PTPRK: variants seen among roughly 807,000 people sequenced by gnomAD.
PTPRK encodes the protein receptor-type tyrosine-protein phosphatase kappa.
Under a neutral mutation model 178.0 loss-of-function variants are expected in PTPRK, and 75 were observed. The ratio of observed to expected loss-of-function variants is 0.42; its 90% CI spans 0.35 to 0.51. The LOEUF is 0.51. PTPRK is among the 20% of genes least tolerant of loss of function. The pLI is 0.02. For synonymous variants in PTPRK, 637 were observed against 620.6 expected, an observed-to-expected ratio of 1.03 and a Z score of -0.39; for missense variants, 1,441 against 1,797.8, an observed-to-expected ratio of 0.80 and a Z score of 3.59.
intron 13 of PTPRK, among the ~76,000 whole-genome samples, chr6:128,044,053 C>T (rs1393287624): frequency 6.6e-6 from 1 of 151,908 alleles, no homozygotes; most frequent in Non-Finnish European, 1.5e-5. Context: ...ATTCTATTTT[C>T]TAATAACAAC....
intron 13 of PTPRK, chr6:128,027,940 TC>T (rs1317131134): frequency 1.3e-5 from 2 of 152,158 alleles, no homozygotes; most frequent in Non-Finnish European, 2.9e-5. Context: ...ATCACCTCTT[TC>T]CTAGTCTATA....
At chr6:128,255,179 C>A (rs544210697) in intron 3 of PTPRK, among the ~76,000 whole-genome samples, 1 of 151,922 alleles carries the variant, frequency 6.6e-6, no homozygotes, top group Non-Finnish European at 1.5e-5. Context: ...TTAGTAGAGA[C>A]GGGGTTTCAC....
chr6:128,086,920 A>G (rs1363415131), intron 8 of PTPRK, among the ~76,000 whole-genome samples: 1 of 152,104 alleles, frequency 6.6e-6, no homozygotes, highest in African/African-American at 2.4e-5. Flanking sequence ...TATTCAAAAC[A>G]GAGATTAAAA....
intron 1 of PTPRK, among the ~76,000 whole-genome samples, chr6:128,507,158 C>G (rs1002436435): frequency 2.0e-5 from 3 of 152,094 alleles, no homozygotes; most frequent in African/African-American, 7.2e-5. Context: ...ACACTATGCT[C>G]TATACTATGT....
intron 2 of PTPRK, among the ~76,000 whole-genome samples, chr6:128,371,756 T>A (rs1352055016): frequency 6.6e-6 from 1 of 152,026 alleles, no homozygotes; most frequent in Middle Eastern, 3.2e-3. Flanking sequence ...ACACCTGTAG[T>A]TCCAGCTACT....
Position 128,083,801 on chromosome 6 carries a change from AT to A in PTPRK, c.1488del (p.Lys496AsnfsTer14). On this transcript the variant is annotated frameshift_variant, in exon 9 of 30. Coordinates refer to ENST00000368226, the MANE Select transcript of PTPRK (RefSeq NM_002844.4). LOFTEE classifies it high-confidence loss of function. ...DEDVPGPVPV[K>X]SLQGTSFENK... The stretch of plus-strand genomic sequence containing the variant: ...TTTTCAAAGGATGTTCCTTGAAGAG[AT>A]TTTACTGGTACGGGACCAGGCACTA... 1 of 1,602,512 alleles carries A rather than the reference AT, an allele frequency of 6.2e-7. No homozygotes were observed. Among genetic ancestry groups the A allele is most frequent in the Non-Finnish European group, 8.5e-7 (1 of 1,173,648 alleles).
chr6:128,356,945 G>C (rs186935686), intron 2 of PTPRK, among the ~76,000 whole-genome samples: 4 of 152,256 alleles, frequency 2.6e-5, no homozygotes, highest in African/African-American at 9.6e-5. Context: ...TATCAATGCT[G>C]TTTCAGAGAA....
At chr6:128,007,472 A>G (rs1252857416) in intron 14 of PTPRK, among the ~76,000 whole-genome samples, 1 of 150,972 alleles carries the variant, frequency 6.6e-6, no homozygotes, top group Non-Finnish European at 1.5e-5. Context: ...TAACTTAACC[A>G]TTTAATATAT....
At chr6:128,433,828 T>TTTTTG (rs1346281236) in intron 1 of PTPRK, among the ~76,000 whole-genome samples, 3 of 145,160 alleles carry the variant, frequency 2.1e-5, no homozygotes, top group African/African-American at 7.6e-5. Flanking sequence ...CTAACACTGT[T>TTTTTG]TTTTTTTTTT....
chr6:128,002,236 T>C (rs1264291269), intron 15 of PTPRK, among the ~76,000 whole-genome samples: 1 of 151,820 alleles, frequency 6.6e-6, no homozygotes, highest in Non-Finnish European at 1.5e-5. Flanking sequence ...TGAACATTGA[T>C]TGTATGTATA....
chr6:128,510,539 G>A (rs959415124), intron 1 of PTPRK, among the ~76,000 whole-genome samples: 15 of 152,044 alleles, frequency 9.9e-5, no homozygotes, highest in Admixed American at 9.8e-4. Context: ...GAGTTAGTAG[G>A]TTTTGTCTGT....
chr6:128,069,978 G>A (rs1782541693), intron 11 of PTPRK, among the ~76,000 whole-genome samples: 1 of 151,904 alleles, frequency 6.6e-6, no homozygotes, highest in Non-Finnish European at 1.5e-5. Context: ...TTCAGATTTG[G>A]CCCTACTCTC....
At position 128,239,694 on chromosome 6, in the gene PTPRK, TCA is replaced by T. The variant is rs544005382; in HGVS notation, c.693+339_693+340del. 3.3e-3 allele frequency among the ~76,000 whole-genome samples: 506 copies of T among 152,332 alleles called. 4 individuals carry two copies. The highest frequency in any genetic ancestry group is 0.012 in the African/African-American group (484 of 41,578). On this transcript the variant is annotated intron_variant, in intron 5 of 29. Transcript: ENST00000368226. ...CAGCTCCTACTTAACTCTTGTAAAT[TCA>T]GTTTTAAAAATATTATTAAATAAGA...
At chr6:128,153,521 G>T (rs1341798475) in intron 7 of PTPRK, among the ~76,000 whole-genome samples, 1 of 151,910 alleles carries the variant, frequency 6.6e-6, no homozygotes, top group Non-Finnish European at 1.5e-5. Flanking sequence ...AATTACTTGG[G>T]TGTAAAACTG....
At chr6:128,130,475 C>T (rs1252501267) in intron 7 of PTPRK, among the ~76,000 whole-genome samples, 1 of 144,544 alleles carries the variant, frequency 6.9e-6, no homozygotes, top group Non-Finnish European at 1.6e-5. Flanking sequence ...CCCTATATTC[C>T]TCTCTTACTA....
intron 5 of PTPRK, among the ~76,000 whole-genome samples, chr6:128,231,664 A>G (rs147315298): frequency 2.7e-4 from 41 of 152,334 alleles, no homozygotes; most frequent in African/African-American, 9.9e-4. Flanking sequence ...AAGAGTCAAA[A>G]GGAATTGAAA....
At chr6:128,379,401 A>C (rs1837559414) in intron 2 of PTPRK, among the ~76,000 whole-genome samples, 1 of 152,132 alleles carries the variant, frequency 6.6e-6, no homozygotes, top group African/African-American at 2.4e-5. Flanking sequence ...AACACAATAC[A>C]CTTGTTACTT....
intron 7 of PTPRK, among the ~76,000 whole-genome samples, chr6:128,170,319 T>C (rs1800049569): frequency 6.6e-6 from 1 of 152,080 alleles, no homozygotes; most frequent in African/African-American, 2.4e-5. Context: ...CTATCCATTA[T>C]ACTTATCCAT....
At chr6:127,987,731 TTAA>T (rs1258562026) in intron 21 of PTPRK, among the ~76,000 whole-genome samples, 1 of 152,106 alleles carries the variant, frequency 6.6e-6, no homozygotes, top group Non-Finnish European at 1.5e-5. Flanking sequence ...CCAAAAATGT[TTAA>T]TATTAGTGAC....
Sources: gnomAD v4.1 joint callset for allele counts (sites outside exome capture counted in the v4.1 genomes callset) on GRCh38, gnomAD v4.1.1 for gene constraint, MANE v1.5 for transcripts, NCBI Gene and HGNC (gene_info 2026-07-23, HGNC 2026-07-21) for gene names.